Variants in EXOC3L2 observed in about 807,000 individuals in gnomAD.
EXOC3L2 encodes the protein exocyst complex component 3-like protein 2.
EXOC3L2 carries 17 observed loss-of-function variants against 44.4 expected under a neutral mutation model. The ratio of observed to expected loss-of-function variants is 0.38; its 90% confidence interval spans 0.26 to 0.57. The LOEUF is 0.57. Among genes scored for constraint, EXOC3L2 ranks in the 20% least tolerant of loss-of-function variants. EXOC3L2 has a pLI of 0.65. For missense variants in EXOC3L2, 541 were observed against 588.4 expected (o/e 0.92, Z 0.83); for synonymous variants, 256 against 253.7 (o/e 1.01, Z -0.09).
chr19:45,214,964 T>A (rs1969817962), intron 11 of EXOC3L2, among the ~76,000 whole-genome samples: 2 of 151,928 alleles, frequency 1.3e-5, no homozygotes, highest in Non-Finnish European at 2.9e-5. Flanking sequence ...AAGACCAGTG[T>A]GGTCAACTTG....
intron 4 of EXOC3L2, among the ~76,000 whole-genome samples, chr19:45,230,924 A>T (rs61453238): frequency 1.4e-5 from 2 of 147,378 alleles, no homozygotes; most frequent in Non-Finnish European, 3.0e-5. Flanking sequence ...GTCTCTGCAA[A>T]TTTTTTTTTT....
At chr19:45,228,987 C>T (rs906531750) in intron 4 of EXOC3L2, among the ~76,000 whole-genome samples, 5 of 151,844 alleles carry the variant, frequency 3.3e-5, no homozygotes, top group South Asian at 4.2e-4. Context: ...AGGAGAATGG[C>T]GTGAACCCGG....
At chr19:45,236,099 T>C (rs1476764281) in intron 2 of EXOC3L2, among the ~76,000 whole-genome samples, 2 of 146,732 alleles carry the variant, frequency 1.4e-5, no homozygotes, top group East Asian at 2.0e-4. Flanking sequence ...AAGAATGACA[T>C]TGGGGTCTGG....
Position 45,238,849 on chromosome 19 carries a change from G to C in EXOC3L2, c.197C>G (p.Pro66Arg). 1 of 399,016 alleles carries C rather than the reference G, an allele frequency of 2.5e-6. No homozygotes were observed. Among genetic ancestry groups the C allele is most frequent in the Non-Finnish European group, 4.4e-6 (1 of 226,070 alleles). 24.7% of individuals were successfully genotyped at this position (399,016 alleles called of 1,614,324 possible). ...ATLEKLAGLA[P>R]FRLGWAPGRR... is the part of the protein sequence containing the mutation. ...GCCCGGGGCCCAGCCCAGCCGGAAG[G>C]GGGCCAGGCCCGCAAGCTTCTCCAG... The change falls in exon 2 of 12, where the codon CCC (proline) becomes CGC (arginine). Residue 66 changes from proline to arginine, a missense_variant. Physicochemically the swap from Pro to Arg is moderately radical, Grantham distance 103. Transcript: ENST00000413988. This position sits in a 1 kb window ranked among gnomAD's most constrained non-coding sequence, Gnocchi z 5.5.
chr19:45,214,298 T>C (rs937492965), intron 11 of EXOC3L2, among the ~76,000 whole-genome samples: 2 of 152,156 alleles, frequency 1.3e-5, no homozygotes, highest in African/African-American at 4.8e-5. Flanking sequence ...CTCCTTGTTT[T>C]TCTGGGGTTC....
intron 7 of EXOC3L2, among the ~76,000 whole-genome samples, chr19:45,226,747 CTTT>C (rs957385712): frequency 9.4e-4 from 85 of 90,642 alleles, no homozygotes; most frequent in African/African-American, 1.5e-3. Context: ...ACTCCCATCT[CTTT>C]TTTTTTTTTT....
In EXOC3L2 at chr19:45,234,742, G is replaced by A. The variant is rs937254823; in HGVS notation, c.608C>T (p.Ala203Val). 53 of 394,808 alleles carry A rather than the reference G, an allele frequency of 1.3e-4. No individual in the cohort carries two copies. Among genetic ancestry groups the A allele is most frequent in the Non-Finnish European group, 2.7e-5 (6 of 223,640 alleles). 24.5% of individuals were successfully genotyped at this position (394,808 alleles called of 1,614,324 possible). The change falls in exon 3 of 12, where the codon GCG becomes GTG. Residue 203 changes from alanine to valine, a missense_variant. Physicochemically the swap from Ala to Val is moderately conservative, Grantham distance 64. Coordinates refer to ENST00000413988, the MANE Select transcript of EXOC3L2 (RefSeq NM_001382422.1). The surrounding 1 kb of genome is among the most constrained non-coding windows in gnomAD (Gnocchi z 5.0). ...CCCAGGCGCGCCGCCCCTCGACGGC[G>A]CCAGCTCCTCGGCCTCTAGCTCCAG... ...HILELEAEEL[A>V]PSRGGAPGPP...
intron 1 of EXOC3L2, among the ~76,000 whole-genome samples, chr19:45,239,424 G>A (rs887477007): frequency 2.6e-5 from 4 of 151,514 alleles, no homozygotes; most frequent in African/African-American, 7.3e-5. Flanking sequence ...CACTGTGTGA[G>A]CCAAGATGGT....
At chr19:45,236,768 G>A (rs138871575) in intron 2 of EXOC3L2, among the ~76,000 whole-genome samples, 3 of 151,868 alleles carry the variant, frequency 2.0e-5, no homozygotes, top group East Asian at 1.9e-4. Context: ...AGGCTGAGGC[G>A]GGTGGATCAC....
At position 45,216,210 on chromosome 19, in the gene EXOC3L2, G is replaced by A. The variant is rs1357616901; in HGVS notation, c.1999-16C>T. On this transcript the variant is annotated splice_polypyrimidine_tract_variant and intron_variant, in intron 10 of 11. Transcript: ENST00000413988. ...CCTGGGACTCCTGCAGGGGAGGGAG[G>A]GTGCGGGGTCACACCCTCCCAAGAT... 6.2e-7 allele frequency: 1 copy of A among 1,612,820 alleles called. No homozygotes were observed. The highest frequency in any genetic ancestry group is 1.7e-5 in the Admixed American group (1 of 59,964).
chr19:45,240,950 C>T (rs1599769543), intron 1 of EXOC3L2, among the ~76,000 whole-genome samples: 1 of 152,202 alleles, frequency 6.6e-6, no homozygotes, highest in East Asian at 1.9e-4. Context: ...TAGCCATGGG[C>T]CCAGCCCTGT....
chr19:45,241,891 G>A (rs898303096), intron 1 of EXOC3L2, among the ~76,000 whole-genome samples: 6 of 152,342 alleles, frequency 3.9e-5, no homozygotes, highest in African/African-American at 1.4e-4. Flanking sequence ...ACCTCAGCAG[G>A]ACAGGGCTGG....
At chr19:45,232,297 A>AC (rs1231451435) in intron 3 of EXOC3L2, among the ~76,000 whole-genome samples, 2 of 151,856 alleles carry the variant, frequency 1.3e-5, no homozygotes, top group Non-Finnish European at 2.9e-5. Context: ...ATCAATATCC[A>AC]CCCCCAAACA....
At position 45,234,124 on chromosome 19, in the gene EXOC3L2, T is replaced by C. The variant is rs1970057967; in HGVS notation, c.1157+69A>G. The C allele has an allele frequency of 2.6e-6, 1 of 380,998 alleles. No individual in the cohort carries two copies. The highest frequency in any genetic ancestry group is 4.7e-6 in the Non-Finnish European group (1 of 214,450). The allele number at this position is 380,998 out of a possible 1,614,324, so 23.6% of individuals were successfully genotyped here. A position where few individuals can be genotyped will look rare whatever the true frequency, so the allele number is the denominator to read the frequency against. On this transcript the variant is annotated intron_variant, in intron 3 of 11. Coordinates refer to ENST00000413988, the MANE Select transcript of EXOC3L2 (RefSeq NM_001382422.1). The surrounding 1 kb of genome is among the most constrained non-coding windows in gnomAD (Gnocchi z 5.0). ...CAGCTGTCCCAAGGTCCTTAAGGTC[T>C]GAAGAAGCCAGTGCTAGGGGGTAGG...
At chr19:45,232,937 C>G (rs755305849) in intron 3 of EXOC3L2, among the ~76,000 whole-genome samples, 1 of 151,902 alleles carries the variant, frequency 6.6e-6, no homozygotes, top group Non-Finnish European at 1.5e-5. Flanking sequence ...AAAATTAGGC[C>G]GGGCACAGTG....
At chr19:45,227,835 C>T in intron 6 of EXOC3L2, 63 bp from the exon 7 acceptor site, 1 of 1,545,816 alleles carries the variant, frequency 6.5e-7, no homozygotes, top group Non-Finnish European at 8.8e-7. Flanking sequence ...GGGCACCCAG[C>T]CTGCCAAAGC....
chr19:45,217,759 C>A, intron 9 of EXOC3L2, 76 bp from the exon 10 acceptor site: 1 of 1,371,090 alleles, frequency 7.3e-7, no homozygotes. Context: ...CTGAAGGCCA[C>A]CCCCGCCCCA....
chr19:45,239,123 CCT>C, intron 1 of EXOC3L2, 62 bp from the exon 2 acceptor site: 2 of 395,230 alleles, frequency 5.1e-6, no homozygotes, highest in Non-Finnish European at 8.9e-6. Context: ...GATGACGGTG[CCT>C]CTGTGTACCG....
chr19:45,224,680 A>G, intron 8 of EXOC3L2, 98 bp downstream of exon 8: 1 of 1,432,492 alleles, frequency 7.0e-7, no homozygotes, highest in Non-Finnish European at 9.2e-7. Context: ...CTGCTTCCCA[A>G]ACACTGAGCC....
Sources: gnomAD v4.1 joint callset for allele counts (sites outside exome capture counted in the v4.1 genomes callset) on GRCh38, gnomAD v4.1.1 for gene constraint, Gnocchi (gnomAD v3.1) non-coding constraint, MANE v1.5 for transcripts, NCBI Gene and HGNC (gene_info 2026-07-23, HGNC 2026-07-21) for gene names.